The following KAZN variants were observed in gnomAD, a reference collection of about 807,000 sequenced individuals.
KAZN encodes kazrin.
In KAZN, 40 loss-of-function variants were observed where a neutral mutation model predicts 87.4. The ratio of observed to expected loss-of-function variants is 0.46; its 90% CI spans 0.36 to 0.60. The LOEUF (loss-of-function observed/expected upper bound fraction) is 0.60. KAZN is among the 20% of genes least tolerant of loss of function. The pLI is 0.00. For missense variants in KAZN, 898 were observed against 1,073.9 expected, an observed-to-expected ratio of 0.84 and a Z score of 2.29; for synonymous variants, 466 against 458.3, an observed-to-expected ratio of 1.02 and a Z score of -0.22.
chr1:14,365,794 C>G (rs1236401395), intron 2 of KAZN, among the ~76,000 whole-genome samples: 2 of 152,320 alleles, frequency 1.3e-5, no homozygotes, highest in Admixed American at 1.3e-4. Flanking sequence ...ACTTTCTAGA[C>G]TAACTCAAAA....
rs1482492369 is a variant in KAZN, at chr1:14,949,918, CAG to C, written c.227-10765_227-10764del. On this transcript the variant is annotated intron_variant, in intron 1 of 14. Transcript: ENST00000376030. This position sits in a 1 kb window ranked among gnomAD's most constrained non-coding sequence, Gnocchi z 4.3. ...GGTAGAAGAGGATCCGCTTGGCACT[CAG>C]GGCACCGAGGAGGGTCTGGCTAAAG... is the stretch of plus-strand genomic sequence containing the variant. Among the ~76,000 whole-genome samples the C allele has an allele frequency of 3.3e-5, 5 of 152,040 alleles. No homozygotes were observed. In the South Asian group the frequency reaches 8.3e-4, roughly 25 times the overall value.
chr1:14,226,734 T>G (rs1647327014), intron 2 of KAZN, among the ~76,000 whole-genome samples: 1 of 152,122 alleles, frequency 6.6e-6, no homozygotes, highest in Admixed American at 6.5e-5. Flanking sequence ...AAAATGAGAT[T>G]ATGTCTTTTG....
chr1:14,849,593 A>C (rs1156321596), intron 1 of KAZN, among the ~76,000 whole-genome samples: 1 of 152,136 alleles, frequency 6.6e-6, no homozygotes, highest in Non-Finnish European at 1.5e-5. Context: ...AAAAACAATA[A>C]AACTCCCTAG....
At position 15,044,169 on chromosome 1, in the gene KAZN, C is replaced by A; in HGVS notation, c.726+10C>A. 2 of 1,587,908 alleles carry A rather than the reference C, an allele frequency of 1.3e-6. No homozygotes were observed. Among genetic ancestry groups the A allele is most frequent in the South Asian group, 2.3e-5 (2 of 87,938 alleles). ...GGCCGAGCTGGCCATGGTGAGAACC[C>A]TCCCCACCCAGGTGGGCCTGGCATC... On this transcript the variant is annotated intron_variant, in intron 4 of 14. Transcript: ENST00000376030.
At chr1:14,359,524 C>G (rs989991366) in intron 2 of KAZN, among the ~76,000 whole-genome samples, 1 of 152,148 alleles carries the variant, frequency 6.6e-6, no homozygotes, top group Non-Finnish European at 1.5e-5. Flanking sequence ...CAGTTTCTTC[C>G]TAGCATCAAT....
chr1:14,254,713 TA>T (rs34435903), intron 2 of KAZN, among the ~76,000 whole-genome samples: 2,378 of 145,440 alleles, frequency 0.016, 64 homozygotes, highest in African/African-American at 0.054. Context: ...GTAATTTATT[TA>T]AAAAAAAAAA....
At position 14,883,318 on chromosome 1, in the gene KAZN, A is replaced by AAGAGAGAGAGAGAGAG. The variant is rs1219653139; in HGVS notation, c.227-77356_227-77341dup. Among the ~76,000 whole-genome samples the AAGAGAGAGAGAGAGAG allele has an allele frequency of 1.2e-3, 47 of 38,594 alleles. 7 individuals carry two copies. The highest frequency in any genetic ancestry group is 4.7e-3 in the South Asian group (3 of 634). The allele number at this position is 38,594 out of a possible 152,430, so 25.3% of individuals were successfully genotyped here. On this transcript the variant is annotated intron_variant, in intron 1 of 14. Transcript: ENST00000376030. ...CTCAAAAGAAAGAAAGAAAGAAAGA[A>AAGAGAGAGAGAGAGAG]AGAGAGAGAGAGAGAGAGAGAGAGA...
rs373977222 is a variant in KAZN at position 14,996,938 on chromosome 1, C to T, written c.418+36063C>T. Reference sequence around the variant, plus strand: ...TAGTCACGTTGCCTTTTCTGTTCCTCAAATGCTCTGAGGCTGTGTGTTCCC... The same window carrying T: ...TAGTCACGTTGCCTTTTCTGTTCCTTAAATGCTCTGAGGCTGTGTGTTCCC... On this transcript the variant is annotated intron_variant, in intron 2 of 14. Transcript: ENST00000376030. The surrounding 1 kb of genome is among the most constrained non-coding windows in gnomAD (Gnocchi z 5.9). Among the ~76,000 whole-genome samples the T allele has an allele frequency of 1.1e-3, 160 of 152,332 alleles. 1 individual carries two copies. Among genetic ancestry groups the T allele is most frequent in the Non-Finnish European group, 9.1e-4 (62 of 68,032 alleles).
intron 1 of KAZN, among the ~76,000 whole-genome samples, chr1:14,110,592 A>G (rs1376593836): frequency 7.3e-6 from 1 of 137,408 alleles, no homozygotes; most frequent in Non-Finnish European, 1.6e-5. Flanking sequence ...TATTTGCATG[A>G]CTTGGAATGA....
intron 1 of KAZN, among the ~76,000 whole-genome samples, chr1:14,713,775 C>CAAAAA (rs58947119): frequency 1.6e-3 from 148 of 94,448 alleles, no homozygotes; most frequent in African/African-American, 3.5e-3. Context: ...CTCATCTCTA[C>CAAAAA]AAAAAAAAAA....
chr1:15,086,874 C>G (rs1188105709), intron 8 of KAZN, among the ~76,000 whole-genome samples: 1 of 152,212 alleles, frequency 6.6e-6, no homozygotes, highest in Non-Finnish European at 1.5e-5. Flanking sequence ...GGTTCTAGAA[C>G]TTGAGAATAC....
chr1:14,697,376 G>A (rs572003250), intron 1 of KAZN, among the ~76,000 whole-genome samples: 5 of 152,134 alleles, frequency 3.3e-5, no homozygotes, highest in African/African-American at 1.2e-4. Flanking sequence ...AGAAAAGGAT[G>A]GAAGGGTCAA....
chr1:14,382,766 C>T (rs1183624893), intron 2 of KAZN, among the ~76,000 whole-genome samples: 3 of 149,042 alleles, frequency 2.0e-5, no homozygotes, highest in Non-Finnish European at 4.5e-5. Flanking sequence ...GTGAATAATG[C>T]CGCAATAAAC....
At chr1:14,083,916 A>G (rs889872498) in intron 1 of KAZN, among the ~76,000 whole-genome samples, 1 of 152,234 alleles carries the variant, frequency 6.6e-6, no homozygotes, top group African/African-American at 2.4e-5. Context: ...ACTGTGTGTT[A>G]GTCATTGTCC....
At position 15,066,773 on chromosome 1, in the gene KAZN, G is replaced by A. The variant is rs560920033; in HGVS notation, c.1222+1020G>A. 103 of 985,398 alleles carry A rather than the reference G, an allele frequency of 1.0e-4. No homozygotes were observed. In the African/African-American group the frequency reaches 1.7e-3, roughly 16 times the overall value. 61.0% of individuals were successfully genotyped at this position (985,398 alleles called of 1,614,324 possible). ...GGGTGGCCAGAACCCAGGGACCATT[G>A]GATTTCAAAGCTTGCTTTTTCTGTT... On this transcript the variant is annotated intron_variant, in intron 8 of 14. Transcript: ENST00000376030. The surrounding 1 kb of genome is among the most constrained non-coding windows in gnomAD (Gnocchi z 4.3).
chr1:14,434,986 G>A (rs4661493), intron 2 of KAZN, among the ~76,000 whole-genome samples: 10,689 of 152,148 alleles, frequency 0.07, 591 homozygotes, highest in South Asian at 0.11. Context: ...GTGTGTACGA[G>A]GCTGTCAGCC....
chr1:14,847,794 A>G (rs988532150), intron 1 of KAZN, among the ~76,000 whole-genome samples: 1 of 152,198 alleles, frequency 6.6e-6, no homozygotes, highest in African/African-American at 2.4e-5. Flanking sequence ...CAGCCTGGGC[A>G]AAATTTTGAG....
intron 2 of KAZN, among the ~76,000 whole-genome samples, chr1:14,388,341 C>A (rs115662483): frequency 6.6e-6 from 1 of 152,138 alleles, no homozygotes; most frequent in South Asian, 2.1e-4. Context: ...GCTCTTCCCC[C>A]CTAGAAGAAA....
intron 8 of KAZN, among the ~76,000 whole-genome samples, chr1:15,068,558 C>G (rs1030772674): frequency 6.6e-6 from 1 of 152,006 alleles, no homozygotes; most frequent in African/African-American, 2.4e-5. Context: ...GACCTCTGCG[C>G]GTCCCACGAT....
Sources: gnomAD v4.1 joint callset for allele counts (sites outside exome capture counted in the v4.1 genomes callset) on GRCh38, gnomAD v4.1.1 for gene constraint, Gnocchi (gnomAD v3.1) non-coding constraint, MANE v1.5 for transcripts, NCBI Gene and HGNC (gene_info 2026-07-23, HGNC 2026-07-21) for gene names.